The following GRAMD2A variants were observed in gnomAD, a reference collection of about 807,000 sequenced individuals.
GRAMD2A encodes the protein GRAM domain-containing protein 2A.
Under a neutral mutation model 51.1 loss-of-function variants are expected in GRAMD2A, and 37 were observed. The observed-to-expected ratio is 0.72, with a 90% CI of 0.56 to 0.95. The LOEUF (loss-of-function observed/expected upper bound fraction) is 0.95, where lower values mean the gene tolerates loss of function less well. Ranked by LOEUF, GRAMD2A falls within the 40% of genes least tolerant of loss-of-function variation. The pLI, the probability that GRAMD2A is intolerant of heterozygous loss-of-function variation, is 0.00. For missense variants in GRAMD2A, 414 were observed against 426.9 expected, an observed-to-expected ratio of 0.97 and a Z score of 0.27; for synonymous variants, 136 against 157.1, an observed-to-expected ratio of 0.87 and a Z score of 1.01.
At chr15:72,188,446 T>A (rs1320235068) in intron 1 of GRAMD2A, among the ~76,000 whole-genome samples, 1 of 152,144 alleles carries the variant, frequency 6.6e-6, no homozygotes, top group African/African-American at 2.4e-5. Context: ...ATTTGTAGAC[T>A]GGAAGGCTAT....
chr15:72,190,282 G>C (rs2081759364), intron 1 of GRAMD2A, among the ~76,000 whole-genome samples: 1 of 152,158 alleles, frequency 6.6e-6, no homozygotes, highest in Non-Finnish European at 1.5e-5. Flanking sequence ...AGGAGGCTGA[G>C]GCAGGAGAAT....
chr15:72,189,686 G>A (rs909491616), intron 1 of GRAMD2A, among the ~76,000 whole-genome samples: 1 of 152,198 alleles, frequency 6.6e-6, no homozygotes, highest in African/African-American at 2.4e-5. Context: ...AGGAAAGTAC[G>A]TTTTAGTGAG....
Position 72,166,120 on chromosome 15 carries a change from C to T in GRAMD2A, c.543+512G>A, listed in dbSNP as rs951150517. Among the ~76,000 whole-genome samples the T allele has an allele frequency of 5.3e-5, 8 of 152,172 alleles. No homozygotes were observed. The highest frequency in any genetic ancestry group is 1.9e-4 in the African/African-American group (8 of 41,442). ...TTGACCTCAGGTGATCCACCTGCCT[C>T]GGCCTCCCAAAGTGCTGGGACCATA... On this transcript the variant is annotated intron_variant, in intron 7 of 11. Transcript: ENST00000309731. This position sits in a 1 kb window ranked among gnomAD's most constrained non-coding sequence, Gnocchi z 4.1.
intron 1 of GRAMD2A, among the ~76,000 whole-genome samples, chr15:72,172,603 A>T (rs2140550325): frequency 6.6e-6 from 1 of 151,076 alleles, no homozygotes; most frequent in Non-Finnish European, 1.5e-5. Flanking sequence ...ATATATATAA[A>T]TTTTTTAGCA....
chr15:72,188,336 C>CA (rs1247513880), intron 1 of GRAMD2A, among the ~76,000 whole-genome samples: 98 of 121,378 alleles, frequency 8.1e-4, no homozygotes, highest in African/African-American at 2.9e-3. Flanking sequence ...GACTTCGTCT[C>CA]AAAGAAAAAA....
intron 1 of GRAMD2A, among the ~76,000 whole-genome samples, chr15:72,181,701 C>A (rs2081698354): frequency 6.6e-6 from 1 of 152,172 alleles, no homozygotes; most frequent in Admixed American, 6.5e-5. Flanking sequence ...ATAGTGGGCT[C>A]TTTTGCTGAG....
In GRAMD2A at chr15:72,170,717, C is replaced by G. The variant is rs1277674158; in HGVS notation, c.42-778G>C. 6.6e-6 allele frequency among the ~76,000 whole-genome samples: 1 copy of G among 152,154 alleles called. No homozygotes were observed. Among genetic ancestry groups the G allele is most frequent in the Non-Finnish European group, 1.5e-5 (1 of 68,032 alleles). On this transcript the variant is annotated intron_variant, in intron 1 of 11. Coordinates refer to ENST00000309731, the MANE Select transcript of GRAMD2A (RefSeq NM_001012642.3). The surrounding 1 kb of genome is among the most constrained non-coding windows in gnomAD (Gnocchi z 4.5). ...AGGCTACACATCAATAAAGCCTGAG[C>G]CGTCAAGCCAGCCCCAACCAAGTGG... is the stretch of plus-strand genomic sequence containing the variant.
intron 1 of GRAMD2A, among the ~76,000 whole-genome samples, chr15:72,183,076 T>A (rs1390406139): frequency 6.6e-6 from 1 of 152,150 alleles, no homozygotes; most frequent in Admixed American, 6.5e-5. Context: ...TCTCTCTATG[T>A]TATCCAGGCT....
intron 1 of GRAMD2A, among the ~76,000 whole-genome samples, chr15:72,185,521 T>C (rs898780401): frequency 1.1e-4 from 16 of 152,240 alleles, no homozygotes; most frequent in African/African-American, 3.9e-4. Flanking sequence ...GGAGCAAATT[T>C]ACCCCAAATT....
rs753034086 is a variant in GRAMD2A at position 72,165,391 on chromosome 15, A to C, written c.563T>G (p.Leu188Arg). Residue 188 changes from leucine (L) to arginine (R), a missense_variant, in exon 8 of 12, where the codon CTG becomes CGG. Coordinates refer to ENST00000309731, the MANE Select transcript of GRAMD2A (RefSeq NM_001012642.3). ...THLQPSSKKS[L>R]SVREFSGEPE... ...TTCCCCTGAAAATTCTCTTACACTC[A>C]GACTCTTCTTGCTGGAAGGCTGAGG... The C allele has an allele frequency of 3.7e-6, 6 of 1,613,940 alleles. No individual in the cohort carries two copies. Among genetic ancestry groups the C allele is most frequent in the East Asian group, 2.2e-5 (1 of 44,890 alleles).
In GRAMD2A at chr15:72,160,916, C is replaced by A. The variant is rs2081467573; in HGVS notation, c.*1093G>T. On this transcript the variant is annotated 3_prime_UTR_variant, in exon 12 of 12. Transcript: ENST00000309731. ...CTAGGCCCACAGTGGACACTTCCAC[C>A]TTAATGGAGAATAGGCCCCATGGAG... 1.3e-5 allele frequency: 2 copies of A among 152,362 alleles called. No homozygotes were observed. The highest frequency in any genetic ancestry group is 4.8e-5 in the African/African-American group (2 of 41,440). 9.4% of individuals were successfully genotyped at this position (152,362 alleles called of 1,614,324 possible). A position where few individuals can be genotyped will look rare whatever the true frequency, so the allele number is the denominator to read the frequency against.
At chr15:72,185,466 T>C (rs781166514) in intron 1 of GRAMD2A, among the ~76,000 whole-genome samples, 7 of 152,230 alleles carry the variant, frequency 4.6e-5, no homozygotes, top group Non-Finnish European at 1.0e-4. Context: ...AGTGCTGGGA[T>C]TACAGGCATA....
intron 1 of GRAMD2A, among the ~76,000 whole-genome samples, chr15:72,193,418 A>C (rs913297980): frequency 1.3e-5 from 2 of 151,340 alleles, no homozygotes; most frequent in Admixed American, 1.3e-4. Context: ...GGGTTTCACT[A>C]TGTTGGCCAG....
intron 1 of GRAMD2A, among the ~76,000 whole-genome samples, chr15:72,194,919 C>G (rs1467500302): frequency 6.6e-6 from 1 of 152,162 alleles, no homozygotes; most frequent in Non-Finnish European, 1.5e-5. Flanking sequence ...AACTCCTGAC[C>G]TCAGGGGATC....
chr15:72,196,605 G>A (rs1166098719), intron 1 of GRAMD2A, among the ~76,000 whole-genome samples: 3 of 152,124 alleles, frequency 2.0e-5, no homozygotes, highest in African/African-American at 7.2e-5. Context: ...TCCCAGCAAG[G>A]CCATAAGTCT....
intron 1 of GRAMD2A, among the ~76,000 whole-genome samples, chr15:72,196,074 G>A (rs563069102): frequency 1.3e-5 from 2 of 152,336 alleles, no homozygotes; most frequent in South Asian, 2.1e-4. Flanking sequence ...CTGGAAGCTC[G>A]ATGGGGCCTC....
At chr15:72,196,702 C>T (rs1178621327) in intron 1 of GRAMD2A, among the ~76,000 whole-genome samples, 1 of 152,080 alleles carries the variant, frequency 6.6e-6, no homozygotes, top group African/African-American at 2.4e-5. Context: ...CTCTCTCGTT[C>T]CCTAGGAGCC....
intron 1 of GRAMD2A, among the ~76,000 whole-genome samples, chr15:72,173,114 G>C (rs1271892809): frequency 6.6e-6 from 1 of 152,176 alleles, no homozygotes; most frequent in Non-Finnish European, 1.5e-5. Context: ...CAGGGAGCCT[G>C]TTGCTTGAGA....
In GRAMD2A at chr15:72,162,247, G is replaced by A. The variant is rs2305703; in HGVS notation, c.1061+26C>T. On this transcript the variant is annotated intron_variant, in intron 11 of 11. Coordinates refer to ENST00000309731, the MANE Select transcript of GRAMD2A (RefSeq NM_001012642.3). ...CCTGTCCTCAACCCTCAATATCAAA[G>A]GCATTAGAAAGAGAAAAGGCCTCAC... The A allele has an allele frequency of 2.7e-5, 42 of 1,532,858 alleles. No homozygotes were observed. The East Asian group carries it at 8.8e-4, about 32-fold the overall frequency. The allele number at this position is 1,532,858 out of a possible 1,614,324, so 95.0% of individuals were successfully genotyped here.
Sources: gnomAD v4.1 joint callset for allele counts (sites outside exome capture counted in the v4.1 genomes callset) on GRCh38, gnomAD v4.1.1 for gene constraint, Gnocchi (gnomAD v3.1) non-coding constraint, MANE v1.5 for transcripts, NCBI Gene and HGNC (gene_info 2026-07-23, HGNC 2026-07-21) for gene names.